The following AOAH variants were observed in gnomAD, a reference collection of about 807,000 sequenced individuals.
The protein encoded by AOAH is acyloxyacyl hydrolase, also known as acyloxyacyl hydrolase (neutrophil).
In AOAH, 64 loss-of-function variants were observed where a neutral mutation model predicts 92.2. The observed-to-expected ratio is 0.69, with a 90% CI of 0.57 to 0.86. The LOEUF is 0.86. AOAH is among the 40% of genes least tolerant of loss of function. The pLI, the probability that AOAH is intolerant of heterozygous loss-of-function variation, is 0.00. For synonymous variants in AOAH, 263 were observed against 254.5 expected (o/e 1.03, Z -0.32); for missense variants, 656 against 694.6 (o/e 0.94, Z 0.62).
intron 16 of AOAH, among the ~76,000 whole-genome samples, chr7:36,538,757 T>C (rs1287421350): frequency 6.6e-6 from 1 of 152,234 alleles, no homozygotes; most frequent in African/African-American, 2.4e-5. Context: ...TGAAGTTCCA[T>C]GTGTGATCAT....
chr7:36,555,807 T>C (rs1282225544), intron 13 of AOAH, among the ~76,000 whole-genome samples: 2 of 152,234 alleles, frequency 1.3e-5, no homozygotes, highest in Non-Finnish European at 2.9e-5. Flanking sequence ...TGGTAGTTTG[T>C]ATTTCTGTGG....
At chr7:36,704,486 G>A (rs1798261784) in intron 1 of AOAH, among the ~76,000 whole-genome samples, 1 of 152,186 alleles carries the variant, frequency 6.6e-6, no homozygotes, top group African/African-American at 2.4e-5. Flanking sequence ...TTCTGAAACT[G>A]AGGCAGTAAT....
chr7:36,555,189 C>T (rs1161453471), intron 13 of AOAH, among the ~76,000 whole-genome samples: 2 of 151,018 alleles, frequency 1.3e-5, no homozygotes, highest in African/African-American at 2.4e-5. Context: ...GAGTTTTTAG[C>T]ATGAAGGGTT....
intron 4 of AOAH, among the ~76,000 whole-genome samples, chr7:36,653,847 G>A (rs188110109): frequency 5.3e-5 from 8 of 152,316 alleles, no homozygotes; most frequent in African/African-American, 7.2e-5. Context: ...TCAAAGCTAC[G>A]AGGTCTGCCT....
At chr7:36,698,150 T>G (rs546837127) in intron 1 of AOAH, among the ~76,000 whole-genome samples, 1 of 152,348 alleles carries the variant, frequency 6.6e-6, no homozygotes, top group South Asian at 2.1e-4. Flanking sequence ...TTTCTATTTT[T>G]TCTTAAATCA....
In AOAH at chr7:36,516,985, A is replaced by G. The variant is rs1783755599; in HGVS notation, c.1600-3605T>C. ...CTGAAATGAGACTGGCATGCTTATCACCAAACTAGAGACTTGTGATAAAAT... is the reference window on the plus strand; with the variant it reads ...CTGAAATGAGACTGGCATGCTTATCGCCAAACTAGAGACTTGTGATAAAAT... On this transcript the variant is annotated intron_variant, in intron 20 of 20. Coordinates refer to ENST00000617537, the MANE Select transcript of AOAH (RefSeq NM_001637.4). The surrounding 1 kb of genome is among the most constrained non-coding windows in gnomAD (Gnocchi z 5.0). Among the ~76,000 whole-genome samples the G allele has an allele frequency of 6.6e-6, 1 of 152,172 alleles. No individual in the cohort carries two copies. Among genetic ancestry groups the G allele is most frequent in the South Asian group, 2.1e-4 (1 of 4,832 alleles).
At chr7:36,662,887 A>G (rs7808629) in intron 3 of AOAH, among the ~76,000 whole-genome samples, 65,929 of 152,024 alleles carry the variant, frequency 0.43, 14,918 homozygotes, top group South Asian at 0.55. Flanking sequence ...AAAAAGACAT[A>G]AAGTGACAAG....
intron 15 of AOAH, among the ~76,000 whole-genome samples, chr7:36,543,155 G>GA (rs1374156626): frequency 6.6e-6 from 1 of 152,062 alleles, no homozygotes; most frequent in Admixed American, 6.6e-5. Flanking sequence ...CCATTGTCAT[G>GA]AAAAAATTAC....
intron 3 of AOAH, among the ~76,000 whole-genome samples, chr7:36,668,903 T>G (rs1044536693): frequency 1.1e-4 from 16 of 152,256 alleles, no homozygotes; most frequent in African/African-American, 2.9e-4. Flanking sequence ...GTTGAACCTA[T>G]CACATTTTCA....
chr7:36,613,033 T>G (rs150589129), intron 11 of AOAH, among the ~76,000 whole-genome samples: 7 of 152,336 alleles, frequency 4.6e-5, no homozygotes, highest in South Asian at 2.1e-4. Flanking sequence ...CTAGTTTTTT[T>G]TGTGTGCTTC....
intron 1 of AOAH, among the ~76,000 whole-genome samples, chr7:36,689,161 C>G (rs563481820): frequency 4.6e-5 from 7 of 152,226 alleles, no homozygotes; most frequent in South Asian, 4.1e-4. Flanking sequence ...GTTCCAGTCT[C>G]CACTTGTGGA....
rs376426952 is a variant in AOAH, at chr7:36,635,156, CA to C, written c.450+2694del. Reference sequence around the variant, plus strand: ...CAATTTGAACTTTGCTAGATAGAGACAAAATGTGGGCTGTTATTAACTCAGC... The same window carrying C: ...CAATTTGAACTTTGCTAGATAGAGACAAATGTGGGCTGTTATTAACTCAGC... On this transcript the variant is annotated intron_variant, in intron 5 of 20. Coordinates refer to ENST00000617537, the MANE Select transcript of AOAH (RefSeq NM_001637.4). 2.1e-4 allele frequency among the ~76,000 whole-genome samples: 32 copies of C among 152,268 alleles called. No homozygotes were observed. In the South Asian group the frequency reaches 6.4e-3, roughly 31 times the overall value.
At chr7:36,584,521 A>G (rs1562592820) in intron 12 of AOAH, among the ~76,000 whole-genome samples, 1 of 151,978 alleles carries the variant, frequency 6.6e-6, no homozygotes, top group African/African-American at 2.4e-5. Flanking sequence ...TCTTTATTTC[A>G]TTTTTTCCAC....
chr7:36,589,655 T>A (rs561695027), intron 12 of AOAH, among the ~76,000 whole-genome samples: 1 of 152,142 alleles, frequency 6.6e-6, no homozygotes, highest in Non-Finnish European at 1.5e-5. Context: ...ATAAATGAGG[T>A]TGAGGAATGC....
At chr7:36,690,919 C>T (rs960503557) in intron 1 of AOAH, among the ~76,000 whole-genome samples, 1 of 152,160 alleles carries the variant, frequency 6.6e-6, no homozygotes, top group African/African-American at 2.4e-5. Flanking sequence ...GTGAAACAGG[C>T]TCTTGAAACT....
chr7:36,673,044 G>T (rs987887665), intron 3 of AOAH, among the ~76,000 whole-genome samples: 2 of 152,178 alleles, frequency 1.3e-5, no homozygotes, highest in African/African-American at 4.8e-5. Context: ...TGAGAATAAA[G>T]GGGAGGGACC....
chr7:36,582,714 C>T (rs1411663547), intron 12 of AOAH, among the ~76,000 whole-genome samples: 1 of 152,176 alleles, frequency 6.6e-6, no homozygotes, highest in African/African-American at 2.4e-5. Flanking sequence ...CAAGGCAGAA[C>T]CTATTTGGAG....
chr7:36,665,989 G>C (rs1795513396), intron 3 of AOAH, among the ~76,000 whole-genome samples: 2 of 152,058 alleles, frequency 1.3e-5, no homozygotes, highest in Non-Finnish European at 2.9e-5. Flanking sequence ...ATTCATGAGA[G>C]ATATTGGTCT....
In AOAH at chr7:36,598,550, A is replaced by G. The variant is rs942129527; in HGVS notation, c.847-4120T>C. 3.3e-5 allele frequency among the ~76,000 whole-genome samples: 5 copies of G among 152,358 alleles called. No homozygotes were observed. The East Asian group carries it at 9.6e-4, about 29-fold the overall frequency. ...AAGACACAGTCAGAAGCAGGTTGAC[A>G]AGTCAGAGCCCTACTATGTGAAGCA... On this transcript the variant is annotated intron_variant, in intron 11 of 20. Transcript: ENST00000617537.
Sources: gnomAD v4.1 joint callset for allele counts (sites outside exome capture counted in the v4.1 genomes callset) on GRCh38, gnomAD v4.1.1 for gene constraint, Gnocchi (gnomAD v3.1) non-coding constraint, MANE v1.5 for transcripts, NCBI Gene and HGNC (gene_info 2026-07-23, HGNC 2026-07-21) for gene names.